LEMD3: variants seen among roughly 807,000 people sequenced by gnomAD.
The protein encoded by LEMD3 is inner nuclear membrane protein Man1.
LEMD3 carries 33 observed loss-of-function variants against 95.2 expected under a neutral mutation model. The observed-to-expected ratio is 0.35, with a 90% confidence interval of 0.26 to 0.46. The LOEUF is 0.46. Among genes scored for constraint, LEMD3 ranks in the 20% least tolerant of loss-of-function variants. The probability of loss-of-function intolerance (pLI) is 1.00; values close to 1 mark genes in which losing one functional copy is unlikely to be tolerated. For synonymous variants in LEMD3, 525 were observed against 474.6 expected, an observed-to-expected ratio of 1.11 and a Z score of -1.38; for missense variants, 1,210 against 1,192.8, an observed-to-expected ratio of 1.01 and a Z score of -0.21.
intron 1 of LEMD3, among the ~76,000 whole-genome samples, chr12:65,203,093 T>G (rs1869654119): frequency 6.6e-6 from 1 of 152,194 alleles, no homozygotes. Context: ...TGGATTTAAT[T>G]TATTCTCTTC....
At chr12:65,196,515 C>G (rs1869433652) in intron 1 of LEMD3, among the ~76,000 whole-genome samples, 1 of 151,242 alleles carries the variant, frequency 6.6e-6, no homozygotes, top group African/African-American at 2.5e-5. Flanking sequence ...ATAAAATTGG[C>G]TGACGTTCCA....
intron 1 of LEMD3, among the ~76,000 whole-genome samples, chr12:65,191,197 ATC>A (rs1869228493): frequency 6.6e-6 from 1 of 152,028 alleles, no homozygotes; most frequent in Non-Finnish European, 1.5e-5. Context: ...TCTTCCATGA[ATC>A]TCCTTGAAGA....
intron 3 of LEMD3, among the ~76,000 whole-genome samples, chr12:65,216,829 C>G (rs1411969280): frequency 6.6e-6 from 1 of 152,134 alleles, no homozygotes; most frequent in African/African-American, 2.4e-5. Flanking sequence ...GTTTCCCATC[C>G]TCTGATCTCT....
At chr12:65,211,021 T>C (rs904658964) in intron 2 of LEMD3, 58 bp downstream of exon 2, 98 of 1,224,102 alleles carry the variant, frequency 8.0e-5, no homozygotes, top group Non-Finnish European at 1.1e-4. Flanking sequence ...GATAAAAGCA[T>C]GAGAATGACT....
At chr12:65,188,383 C>T (rs1487651633) in intron 1 of LEMD3, among the ~76,000 whole-genome samples, 1 of 152,034 alleles carries the variant, frequency 6.6e-6, no homozygotes, top group East Asian at 1.9e-4. Context: ...ATGAATTGGG[C>T]AATACTTAGA....
intron 1 of LEMD3, among the ~76,000 whole-genome samples, chr12:65,180,811 C>G (rs936469723): frequency 6.6e-6 from 1 of 152,098 alleles, no homozygotes; most frequent in South Asian, 2.1e-4. Flanking sequence ...TAAAACTATG[C>G]AAGAGTGTAG....
At chr12:65,205,414 A>G (rs1279084849) in intron 1 of LEMD3, among the ~76,000 whole-genome samples, 1 of 152,180 alleles carries the variant, frequency 6.6e-6, no homozygotes, top group Non-Finnish European at 1.5e-5. Context: ...ATAAAGAATA[A>G]GAACCAGCTA....
At chr12:65,183,949 T>C (rs1868983361) in intron 1 of LEMD3, among the ~76,000 whole-genome samples, 1 of 152,140 alleles carries the variant, frequency 6.6e-6, no homozygotes, top group African/African-American at 2.4e-5. Context: ...GCTCTTTGAG[T>C]CTGTTACAGG....
At chr12:65,187,066 G>A (rs929763438) in intron 1 of LEMD3, among the ~76,000 whole-genome samples, 7 of 152,138 alleles carry the variant, frequency 4.6e-5, no homozygotes, top group African/African-American at 1.7e-4. Flanking sequence ...TTGTTCTGCA[G>A]GAAGGGAGGA....
At chr12:65,186,050 T>C (rs2136321781) in intron 1 of LEMD3, among the ~76,000 whole-genome samples, 1 of 152,202 alleles carries the variant, frequency 6.6e-6, no homozygotes, top group East Asian at 1.9e-4. Flanking sequence ...TGGGAAAAGA[T>C]AACTTATTAA....
intron 1 of LEMD3, among the ~76,000 whole-genome samples, chr12:65,203,100 CTT>C (rs1172076924): frequency 1.3e-5 from 2 of 152,074 alleles, no homozygotes; most frequent in African/African-American, 4.8e-5. Context: ...AATTTATTCT[CTT>C]CCTAATTTTC....
chr12:65,246,407 T>C lies in LEMD3; in HGVS notation c.*82T>C. ...CTTTTTGTCTTCCTTTTTAAATGCT[T>C]TTTGTATGTAATATTTTTATTGATG... On this transcript the variant is annotated 3_prime_UTR_variant, in exon 13 of 13. Transcript: ENST00000308330. The C allele has an allele frequency of 9.3e-7, 1 of 1,074,454 alleles. No homozygotes were observed. The highest frequency in any genetic ancestry group is 1.4e-6 in the Non-Finnish European group (1 of 698,510). 66.6% of individuals were successfully genotyped at this position (1,074,454 alleles called of 1,614,324 possible). A position where few individuals can be genotyped will look rare whatever the true frequency, so the allele number is the denominator to read the frequency against.
At chr12:65,185,525 G>T (rs1869035470) in intron 1 of LEMD3, among the ~76,000 whole-genome samples, 1 of 151,844 alleles carries the variant, frequency 6.6e-6, no homozygotes, top group Non-Finnish European at 1.5e-5. Flanking sequence ...AATATTATAT[G>T]CATGGTAGAA....
intron 4 of LEMD3, among the ~76,000 whole-genome samples, chr12:65,226,937 G>A (rs2136346491): frequency 6.6e-6 from 1 of 152,246 alleles, no homozygotes; most frequent in Non-Finnish European, 1.5e-5. Flanking sequence ...TTTTGTTTAA[G>A]GTTGTTTATT....
chr12:65,170,299 G>C lies in LEMD3; in HGVS notation c.703G>C (p.Glu235Gln), dbSNP rs929680285. 2.5e-6 allele frequency: 4 copies of C among 1,582,030 alleles called. No individual in the cohort carries two copies. The African/African-American group carries it at 5.4e-5, about 21-fold the overall frequency. Reference protein sequence around the residue: ...EDGEERDPETEEPLWASRTVN... With the variant: ...EDGEERDPETQEPLWASRTVN... ...CGGTGAGGAGAGGGACCCGGAGACC[G>C]AGGAGCCGCTCTGGGCGAGCCGGAC... Residue 235 changes from glutamate to glutamine, a missense_variant, in exon 1 of 13, where the codon GAG (glutamate) becomes CAG (glutamine). This residue lies in a region of LEMD3 where 749 missense variants were observed against 622.9 expected (regional missense o/e 1.20). Transcript: ENST00000308330.
At chr12:65,195,496 A>G (rs1326821732) in intron 1 of LEMD3, among the ~76,000 whole-genome samples, 1 of 151,874 alleles carries the variant, frequency 6.6e-6, no homozygotes, top group Non-Finnish European at 1.5e-5. Context: ...TTATTTGCCA[A>G]TTTCCAAATA....
rs573590783 is a variant in LEMD3 at position 65,190,360 on chromosome 12, T to C, written c.1522+19242T>C. Reference sequence around the variant, plus strand: ...CATTTATGTTGGGGTTGGACACGTCTCATTTATACCTCTCTAGTATTAATG... The same window carrying C: ...CATTTATGTTGGGGTTGGACACGTCCCATTTATACCTCTCTAGTATTAATG... On this transcript the variant is annotated intron_variant, in intron 1 of 12. Coordinates refer to ENST00000308330, the MANE Select transcript of LEMD3 (RefSeq NM_014319.5). Among the ~76,000 whole-genome samples, 5 of 152,288 alleles carry C rather than the reference T, an allele frequency of 3.3e-5. No individual in the cohort carries two copies. In the South Asian group the frequency reaches 1.0e-3, roughly 32 times the overall value.
intron 2 of LEMD3, among the ~76,000 whole-genome samples, chr12:65,211,389 A>G (rs1452012872): frequency 6.6e-6 from 1 of 152,174 alleles, no homozygotes; most frequent in East Asian, 1.9e-4. Context: ...TGGCATGCCT[A>G]TTCGACCATC....
At chr12:65,240,381 T>C (rs1012511368) in intron 8 of LEMD3, 143 bp downstream of exon 8, 2 of 659,860 alleles carry the variant, frequency 3.0e-6, no homozygotes, top group Non-Finnish European at 5.4e-6. Flanking sequence ...TTTGTTTTTG[T>C]ACTTTATACT....
Sources: allele counts gnomAD v4.1 joint callset (sites outside exome capture counted in the v4.1 genomes callset), GRCh38; gene constraint gnomAD v4.1.1; regional missense constraint gnomAD v4.1.1; transcripts MANE v1.5; gene names NCBI Gene and HGNC (gene_info 2026-07-23, HGNC 2026-07-21).